CDYL2: variants seen among roughly 807,000 people sequenced by gnomAD.
CDYL2 encodes chromodomain Y like 2.
A neutral mutation model predicts 49.4 loss-of-function variants in CDYL2; 23 were observed. That is an observed-to-expected ratio of 0.47 (90% confidence interval 0.34 to 0.66). The LOEUF (loss-of-function observed/expected upper bound fraction) is 0.66. Among genes scored for constraint, CDYL2 ranks in the 30% least tolerant of loss-of-function variants. The pLI, the probability that CDYL2 is intolerant of heterozygous loss-of-function variation, is 0.01. For missense variants in CDYL2, 678 were observed against 656.4 expected, an observed-to-expected ratio of 1.03 and a Z score of -0.36; for synonymous variants, 360 against 268.8, an observed-to-expected ratio of 1.34 and a Z score of -3.32.
chr16:80,788,628 C>A (rs1032473638), intron 1 of CDYL2, among the ~76,000 whole-genome samples: 7 of 152,178 alleles, frequency 4.6e-5, no homozygotes, highest in African/African-American at 1.7e-4. Context: ...AAAGCATAGG[C>A]ATTTTATAAT....
At chr16:80,613,405 G>A (rs1906689249) in intron 4 of CDYL2, among the ~76,000 whole-genome samples, 1 of 152,094 alleles carries the variant, frequency 6.6e-6, no homozygotes, top group Admixed American at 6.5e-5. Flanking sequence ...TCAGATGGTG[G>A]GTACATGTTG....
intron 1 of CDYL2, among the ~76,000 whole-genome samples, chr16:80,757,577 CATAT>C (rs1376504381): frequency 6.7e-6 from 1 of 149,652 alleles, no homozygotes; most frequent in Admixed American, 6.7e-5. Flanking sequence ...TACACACACA[CATAT>C]ATTTTGAAAA....
intron 1 of CDYL2, among the ~76,000 whole-genome samples, chr16:80,750,889 G>A (rs1037994023): frequency 2.0e-5 from 3 of 152,048 alleles, no homozygotes; most frequent in Admixed American, 6.6e-5. Flanking sequence ...GCGTGGTGGC[G>A]GGGGCCTGCA....
At chr16:80,608,803 A>T (rs1449873836) in intron 5 of CDYL2, among the ~76,000 whole-genome samples, 1 of 152,128 alleles carries the variant, frequency 6.6e-6, no homozygotes, top group East Asian at 1.9e-4. Context: ...AGAGAGAGAG[A>T]GAGAGAAAGA....
chr16:80,702,709 C>A (rs568830259), intron 1 of CDYL2, among the ~76,000 whole-genome samples: 1 of 152,246 alleles, frequency 6.6e-6, no homozygotes, highest in South Asian at 2.1e-4. Flanking sequence ...ATGATCGTAC[C>A]ACTGCATTCC....
intron 1 of CDYL2, among the ~76,000 whole-genome samples, chr16:80,754,787 T>A (rs1047780574): frequency 1.1e-4 from 16 of 152,146 alleles, no homozygotes; most frequent in Non-Finnish European, 5.9e-5. Context: ...GGGAGTGTGA[T>A]GGGGTTTGGC....
Position 80,684,521 on chromosome 16 carries a change from A to G in CDYL2, c.616+17T>C. 6.2e-7 allele frequency: 1 copy of G among 1,601,182 alleles called. No homozygotes were observed. Among genetic ancestry groups the G allele is most frequent in the Non-Finnish European group, 8.5e-7 (1 of 1,172,448 alleles). On this transcript the variant is annotated intron_variant, in intron 2 of 6. Coordinates refer to ENST00000570137, the MANE Select transcript of CDYL2 (RefSeq NM_152342.4). ...CCATGGCCAGAGCCAAACCCAAGAG[A>G]AAGAAAAGCTACAAACCGAGCCCGT...
intron 1 of CDYL2, among the ~76,000 whole-genome samples, chr16:80,769,016 T>C (rs777326351): frequency 1.2e-4 from 18 of 152,194 alleles, no homozygotes; most frequent in Non-Finnish European, 2.1e-4. Flanking sequence ...GGCTCCCTTT[T>C]ACCTCTGAAT....
At chr16:80,697,328 T>C (rs149083552) in intron 1 of CDYL2, among the ~76,000 whole-genome samples, 2,984 of 152,236 alleles carry the variant, frequency 0.02, 35 homozygotes, top group Admixed American at 0.027. Flanking sequence ...AACCATAAAA[T>C]CATCCCAATG....
chr16:80,637,994 T>C (rs1907915716), intron 2 of CDYL2, among the ~76,000 whole-genome samples: 1 of 152,218 alleles, frequency 6.6e-6, no homozygotes, highest in Admixed American at 6.5e-5. Flanking sequence ...AAGAGCCATA[T>C]GTGAAAAATT....
intron 2 of CDYL2, among the ~76,000 whole-genome samples, chr16:80,665,612 C>T (rs1382745700): frequency 1.3e-5 from 2 of 151,644 alleles, no homozygotes; most frequent in Non-Finnish European, 2.9e-5. Context: ...AGATGTCTTG[C>T]TAAACCTCCA....
At chr16:80,700,903 G>GC (rs1904297018) in intron 1 of CDYL2, among the ~76,000 whole-genome samples, 1 of 152,212 alleles carries the variant, frequency 6.6e-6, no homozygotes, top group South Asian at 2.1e-4. Flanking sequence ...CCCTGCCACA[G>GC]CAACAGAGCA....
At chr16:80,676,432 C>A (rs1909746224) in intron 2 of CDYL2, among the ~76,000 whole-genome samples, 4 of 152,270 alleles carry the variant, frequency 2.6e-5, no homozygotes, top group African/African-American at 9.6e-5. Flanking sequence ...CGGGAACACC[C>A]TTCCTGACCT....
chr16:80,753,356 C>G (rs565802987), intron 1 of CDYL2, among the ~76,000 whole-genome samples: 1 of 152,184 alleles, frequency 6.6e-6, no homozygotes, highest in East Asian at 1.9e-4. Flanking sequence ...CACCTGTAAC[C>G]CCAGCATTTT....
intron 1 of CDYL2, among the ~76,000 whole-genome samples, chr16:80,764,635 C>T (rs1906650795): frequency 6.6e-6 from 1 of 152,134 alleles, no homozygotes; most frequent in Admixed American, 6.5e-5. Flanking sequence ...AATAAACTGT[C>T]ATGAGATACT....
At chr16:80,616,693 C>A (rs963722626) in intron 4 of CDYL2, among the ~76,000 whole-genome samples, 6 of 152,216 alleles carry the variant, frequency 3.9e-5, no homozygotes, top group Admixed American at 6.5e-5. Flanking sequence ...CAGGCGCCCA[C>A]TCCCTGGTCT....
chr16:80,640,075 C>T (rs1432480208), intron 2 of CDYL2, among the ~76,000 whole-genome samples: 1 of 152,116 alleles, frequency 6.6e-6, no homozygotes, highest in African/African-American at 2.4e-5. Flanking sequence ...AATCCTAGTC[C>T]CGCAATGGGC....
At chr16:80,704,721 G>A (rs1012114629) in intron 1 of CDYL2, among the ~76,000 whole-genome samples, 1 of 152,210 alleles carries the variant, frequency 6.6e-6, no homozygotes, top group Non-Finnish European at 1.5e-5. Flanking sequence ...AGAGGGAAGA[G>A]AATGTGCAAA....
chr16:80,742,351 G>C (rs1214529537), intron 1 of CDYL2: 1 of 151,906 alleles, frequency 6.6e-6, no homozygotes, highest in East Asian at 1.9e-4. Flanking sequence ...TGGATGGACT[G>C]ACAAATGGAT....
Sources: allele counts gnomAD v4.1 joint callset (sites outside exome capture counted in the v4.1 genomes callset), GRCh38; gene constraint gnomAD v4.1.1; transcripts MANE v1.5; gene names NCBI Gene and HGNC (gene_info 2026-07-23, HGNC 2026-07-21).